SLC35F4: variants seen among roughly 807,000 people sequenced by gnomAD.
SLC35F4 encodes the protein chromosome 14 open reading frame 36.
SLC35F4 carries 24 observed loss-of-function variants against 44.2 expected under a neutral mutation model. The observed-to-expected ratio is 0.54, with a 90% CI of 0.39 to 0.76. The LOEUF (loss-of-function observed/expected upper bound fraction) is 0.76, where lower values mean the gene tolerates loss of function less well. Ranked by LOEUF, SLC35F4 falls within the 30% of genes least tolerant of loss-of-function variation. The pLI, the probability that SLC35F4 is intolerant of heterozygous loss-of-function variation, is 0.00. For missense variants in SLC35F4, 562 were observed against 586.1 expected (o/e 0.96, Z 0.42); for synonymous variants, 238 against 223.6 (o/e 1.06, Z -0.57).
At chr14:57,958,911 C>G in intron 1 of SLC35F4, among the ~76,000 whole-genome samples, 1 of 152,218 alleles carries the variant, frequency 6.6e-6, no homozygotes, top group South Asian at 2.1e-4. Context: ...TAGACATCGT[C>G]AGAATCCCTT....
intron 1 of SLC35F4, among the ~76,000 whole-genome samples, chr14:57,608,389 A>G (rs1330169665): frequency 3.3e-5 from 5 of 152,196 alleles, no homozygotes; most frequent in Non-Finnish European, 7.3e-5. Flanking sequence ...ACACACACTC[A>G]TGGGGAGAAC....
intron 1 of SLC35F4, among the ~76,000 whole-genome samples, chr14:57,844,090 G>A (rs1038556756): frequency 5.9e-5 from 9 of 152,042 alleles, no homozygotes; most frequent in African/African-American, 1.9e-4. Context: ...TACCTTGAAA[G>A]GTAAATAGTT....
At chr14:57,949,180 T>C (rs1890089355) in intron 1 of SLC35F4, among the ~76,000 whole-genome samples, 1 of 152,188 alleles carries the variant, frequency 6.6e-6, no homozygotes, top group Non-Finnish European at 1.5e-5. Context: ...TTAGGTTTAG[T>C]AGTCATTGTT....
chr14:57,728,271 A>ATCTTTATATGTGAATTGTGTT (rs1291022509), intron 1 of SLC35F4, among the ~76,000 whole-genome samples: 5 of 151,700 alleles, frequency 3.3e-5, no homozygotes, highest in Non-Finnish European at 7.4e-5. Flanking sequence ...GTCTGTGTGT[A>ATCTTTATATGTGAATTGTGTT]TCTTTATATG....
intron 1 of SLC35F4, among the ~76,000 whole-genome samples, chr14:57,670,595 T>C (rs1415920819): frequency 2.6e-5 from 4 of 152,062 alleles, no homozygotes; most frequent in Non-Finnish European, 5.9e-5. Flanking sequence ...ATGTACCCAG[T>C]AGTCATTCAG....
At chr14:57,566,265 C>T (rs531802708) in intron 7 of SLC35F4, among the ~76,000 whole-genome samples, 1 of 152,326 alleles carries the variant, frequency 6.6e-6, no homozygotes, top group South Asian at 2.1e-4. Flanking sequence ...TCTAAAAGCA[C>T]AACCAAGTAA....
rs1320132103 is a variant in SLC35F4 at position 57,594,029 on chromosome 14, T to C, written c.199A>G (p.Thr67Ala). 1.9e-6 allele frequency: 3 copies of C among 1,613,916 alleles called. No individual in the cohort carries two copies. In the East Asian group the frequency reaches 6.7e-5, roughly 36 times the overall value. The change falls in exon 2 of 8, where the codon ACC (threonine) becomes GCC (alanine). Residue 67 changes from threonine to alanine, a missense_variant. Physicochemically the swap from Thr to Ala is moderately conservative, Grantham distance 58. Coordinates refer to ENST00000556826, the MANE Select transcript of SLC35F4 (RefSeq NM_001306087.2). ...AGAATAGGAGCAGAGGAATCTTCGG[T>C]GACAGACAGTGGGGACAGTTGTCTA... is the stretch of plus-strand genomic sequence containing the variant. ...ISRQLSPLSV[T>A]EDSSAPILEL... is the part of the protein sequence containing the mutation.
At chr14:57,743,125 G>T (rs4473098) in intron 1 of SLC35F4, among the ~76,000 whole-genome samples, 8,254 of 152,256 alleles carry the variant, frequency 0.054, 481 homozygotes, top group African/African-American at 0.14. Flanking sequence ...AAGCAGCAAA[G>T]ATATAAAATT....
chr14:57,702,396 G>T (rs2075566543), intron 1 of SLC35F4, among the ~76,000 whole-genome samples: 1 of 150,150 alleles, frequency 6.7e-6, no homozygotes, highest in African/African-American at 2.5e-5. Context: ...ACCTGTGCCT[G>T]TTCTATTCAT....
At chr14:57,711,312 G>A (rs750423488) in intron 1 of SLC35F4, among the ~76,000 whole-genome samples, 6 of 152,104 alleles carry the variant, frequency 3.9e-5, no homozygotes, top group Non-Finnish European at 7.4e-5. Context: ...TCCCAGCCAG[G>A]CAGAACTGTG....
intron 4 of SLC35F4, among the ~76,000 whole-genome samples, chr14:57,574,510 G>A (rs929748567): frequency 4.6e-5 from 7 of 152,164 alleles, no homozygotes; most frequent in Non-Finnish European, 1.0e-4. Context: ...GACATGAGCA[G>A]TAATTCATAA....
chr14:57,658,648 T>G (rs933429692), intron 1 of SLC35F4, among the ~76,000 whole-genome samples: 2 of 152,156 alleles, frequency 1.3e-5, no homozygotes, highest in African/African-American at 4.8e-5. Context: ...ATTCCTAAAC[T>G]GAGATCCAGT....
intron 1 of SLC35F4, among the ~76,000 whole-genome samples, chr14:57,902,217 G>A (rs1194353101): frequency 6.6e-6 from 1 of 152,134 alleles, no homozygotes; most frequent in Non-Finnish European, 1.5e-5. Flanking sequence ...TTTTGAGAAA[G>A]CAATTTGGTG....
At chr14:57,920,933 A>G (rs1018298641) in intron 1 of SLC35F4, among the ~76,000 whole-genome samples, 1 of 152,222 alleles carries the variant, frequency 6.6e-6, no homozygotes, top group African/African-American at 2.4e-5. Flanking sequence ...ATGGCTTTTT[A>G]TAACAAATGA....
rs142402397 is a variant in SLC35F4, at chr14:57,826,536, T to C, written c.103+39187A>G. On this transcript the variant is annotated intron_variant, in intron 1 of 7. Coordinates refer to ENST00000556826, the MANE Select transcript of SLC35F4 (RefSeq NM_001306087.2). ...ATGGGATATAATTAAACTAAAGAGC[T>C]ACATAGCAAAAGAAACTATCATCAG... is the stretch of plus-strand genomic sequence containing the variant. Among the ~76,000 whole-genome samples the C allele has an allele frequency of 1.8e-4, 28 of 152,046 alleles. No individual in the cohort carries two copies. In the East Asian group the frequency reaches 3.1e-3, roughly 17 times the overall value.
intron 1 of SLC35F4, among the ~76,000 whole-genome samples, chr14:57,699,840 A>G (rs1346225885): frequency 6.6e-6 from 1 of 152,192 alleles, no homozygotes; most frequent in Non-Finnish European, 1.5e-5. Context: ...AGGAATTACA[A>G]TTTCTTCTAA....
intron 1 of SLC35F4, among the ~76,000 whole-genome samples, chr14:57,684,640 G>T (rs1253517342): frequency 1.3e-5 from 2 of 152,206 alleles, no homozygotes; most frequent in African/African-American, 4.8e-5. Flanking sequence ...GAGCCTGGGG[G>T]TTTGGAACCT....
intron 1 of SLC35F4, among the ~76,000 whole-genome samples, chr14:57,817,828 AT>A (rs1882772585): frequency 1.3e-5 from 2 of 152,124 alleles, no homozygotes; most frequent in African/African-American, 4.8e-5. Context: ...TCAGCAGAGT[AT>A]TGAGGTAGGA....
chr14:57,670,399 C>T (rs374608565), intron 1 of SLC35F4, among the ~76,000 whole-genome samples: 1 of 151,956 alleles, frequency 6.6e-6, no homozygotes, highest in African/African-American at 2.4e-5. Context: ...GCTTTTGCTT[C>T]TCTAGTTCTT....
Sources: allele counts gnomAD v4.1 joint callset (sites outside exome capture counted in the v4.1 genomes callset), GRCh38; gene constraint gnomAD v4.1.1; transcripts MANE v1.5; gene names NCBI Gene and HGNC (gene_info 2026-07-23, HGNC 2026-07-21).